Variants in CHODL observed in about 807,000 individuals in gnomAD.
CHODL encodes the protein chondrolectin.
In CHODL, 29 loss-of-function variants were observed where a neutral mutation model predicts 34.5. The ratio of observed to expected loss-of-function variants is 0.84; its 90% CI spans 0.63 to 1.15. The LOEUF is 1.15. CHODL is among the 50% of genes most tolerant of loss of function. The probability of loss-of-function intolerance (pLI) is 0.00; values close to 1 mark genes in which losing one functional copy is unlikely to be tolerated. For synonymous variants in CHODL, 125 were observed against 116.1 expected (o/e 1.08, Z -0.49); for missense variants, 332 against 332.5 (o/e 1.00, Z 0.01).
chr21:18,107,838 A>G (rs949236290), intron 2 of CHODL, among the ~76,000 whole-genome samples: 10 of 152,206 alleles, frequency 6.6e-5, no homozygotes, highest in African/African-American at 2.4e-4. Flanking sequence ...AAGTACAATG[A>G]CTATGTGTGT....
At chr21:18,016,481 T>TGGGCCA (rs1445323231) in intron 1 of CHODL, among the ~76,000 whole-genome samples, 2 of 152,198 alleles carry the variant, frequency 1.3e-5, no homozygotes, top group East Asian at 3.8e-4. Flanking sequence ...AATGGTTTCA[T>TGGGCCA]GGGCCAGGAC....
chr21:18,077,553 A>G (rs1171641531), intron 2 of CHODL, among the ~76,000 whole-genome samples: 3 of 152,142 alleles, frequency 2.0e-5, no homozygotes, highest in African/African-American at 7.2e-5. Flanking sequence ...AGGTGATTGT[A>G]TTAGGAGGTG....
intron 1 of CHODL, among the ~76,000 whole-genome samples, chr21:17,985,701 C>T (rs564061788): frequency 3.9e-4 from 60 of 152,284 alleles, no homozygotes; most frequent in Admixed American, 1.4e-3. Context: ...TCCACCATTA[C>T]GGGTCAATTT....
At chr21:18,132,123 C>T (rs1162953066) in intron 2 of CHODL, among the ~76,000 whole-genome samples, 1 of 151,866 alleles carries the variant, frequency 6.6e-6, no homozygotes, top group Non-Finnish European at 1.5e-5. Context: ...GGTATATGTG[C>T]ACAATATGCA....
intron 2 of CHODL, among the ~76,000 whole-genome samples, chr21:18,150,485 G>C (rs918644912): frequency 6.6e-6 from 1 of 152,112 alleles, no homozygotes; most frequent in African/African-American, 2.4e-5. Context: ...GGTATCCCAA[G>C]ATCACAATGC....
At chr21:17,991,949 A>G (rs1243414412) in intron 1 of CHODL, among the ~76,000 whole-genome samples, 1 of 152,134 alleles carries the variant, frequency 6.6e-6, no homozygotes, top group Non-Finnish European at 1.5e-5. Context: ...GTAGTTTTAT[A>G]GTTTCAGATC....
intron 2 of CHODL, among the ~76,000 whole-genome samples, chr21:18,172,200 C>T (rs1032672456): frequency 6.6e-6 from 1 of 151,702 alleles, no homozygotes; most frequent in African/African-American, 2.4e-5. Context: ...AGTTATTATC[C>T]CTGCTTTAAG....
chr21:18,265,891 C>A, intron 5 of CHODL, 63 bp from the exon 6 acceptor site: 6 of 1,313,430 alleles, frequency 4.6e-6, no homozygotes, highest in Non-Finnish European at 6.4e-6. Flanking sequence ...TCCCTTTGGA[C>A]GTAGACATGC....
upstream of CHODL, among the ~76,000 whole-genome samples, chr21:18,240,620 C>T (rs909976453): frequency 3.9e-5 from 6 of 152,016 alleles, no homozygotes; most frequent in Non-Finnish European, 5.9e-5. Flanking sequence ...GTTGTATTAA[C>T]ATATATTAAG....
At chr21:18,167,295 T>G (rs2073169330) in intron 2 of CHODL, among the ~76,000 whole-genome samples, 1 of 149,376 alleles carries the variant, frequency 6.7e-6, no homozygotes, top group African/African-American at 2.5e-5. Context: ...TTTACTGAAG[T>G]GTTTTCTATT....
chr21:17,973,324 C>T (rs951642089), intron 1 of CHODL, among the ~76,000 whole-genome samples: 23 of 151,718 alleles, frequency 1.5e-4, no homozygotes, highest in African/African-American at 5.3e-4. Context: ...TCCTGCACAG[C>T]AAAAGAAACT....
chr21:17,931,303 C>T (rs1424464727), intron 1 of CHODL, among the ~76,000 whole-genome samples: 1 of 152,078 alleles, frequency 6.6e-6, no homozygotes, highest in East Asian at 1.9e-4. Flanking sequence ...CTGCAAAGCC[C>T]GATACAAAAC....
At position 17,954,907 on chromosome 21, in the gene CHODL, T is replaced by TGTA. The variant is rs2063485410; in HGVS notation, c.-145+37507_-145+37508insGTA. ...AAATTAAATCATATATTTTATATAA[T>TGTA]ATCTATAATTTTATGTAATGTATAA... On this transcript the variant is annotated intron_variant, in intron 1 of 6. Coordinates refer to the CHODL transcript ENST00000400127. Among the ~76,000 whole-genome samples the TGTA allele has an allele frequency of 4.7e-5, 6 of 127,800 alleles. 1 individual carries two copies. In the South Asian group the frequency reaches 1.8e-3, roughly 38 times the overall value. 83.8% of individuals were successfully genotyped at this position (127,800 alleles called of 152,430 possible).
At chr21:18,049,956 A>AT (rs1568861073) in intron 2 of CHODL, among the ~76,000 whole-genome samples, 1 of 152,040 alleles carries the variant, frequency 6.6e-6, no homozygotes, top group Non-Finnish European at 1.5e-5. Flanking sequence ...AGCTAAGCAC[A>AT]GGTGATACCA....
chr21:18,210,693 C>G (rs922316314), intron 2 of CHODL, among the ~76,000 whole-genome samples: 1 of 152,184 alleles, frequency 6.6e-6, no homozygotes, highest in Non-Finnish European at 1.5e-5. Context: ...TCCATAGCTA[C>G]TACCTTGGTT....
At chr21:18,109,206 C>A (rs1010021827) in intron 2 of CHODL, among the ~76,000 whole-genome samples, 1 of 152,094 alleles carries the variant, frequency 6.6e-6, no homozygotes, top group African/African-American at 2.4e-5. Context: ...AAAATCATCT[C>A]AATCTCCTTA....
intron 4 of CHODL, 144 bp from the exon 5 acceptor site, chr21:18,262,647 A>G: frequency 3.4e-6 from 2 of 593,196 alleles, no homozygotes; most frequent in Non-Finnish European, 6.0e-6. Flanking sequence ...ATTTCATTAG[A>G]TTTTTCAATA....
chr21:18,072,845 T>A (rs946890793), intron 2 of CHODL, among the ~76,000 whole-genome samples: 1 of 152,178 alleles, frequency 6.6e-6, no homozygotes, highest in Non-Finnish European at 1.5e-5. Flanking sequence ...AAAAAAGTTT[T>A]CTTTTTTCTA....
At position 18,035,364 on chromosome 21, in the gene CHODL, G is replaced by A. The variant is rs537095920; in HGVS notation, c.-45+7393G>A. Among the ~76,000 whole-genome samples the A allele has an allele frequency of 5.9e-5, 9 of 152,000 alleles. No homozygotes were observed. In the South Asian group the frequency reaches 1.9e-3, roughly 32 times the overall value. On this transcript the variant is annotated intron_variant, in intron 2 of 6. Coordinates refer to the CHODL transcript ENST00000400127. ...TTACCTTTGTTTCCCTGCACATAGT[G>A]TTTTTTTCTCTGCTTTTAAGACTTC...
Sources: allele counts gnomAD v4.1 joint callset (sites outside exome capture counted in the v4.1 genomes callset), GRCh38; gene constraint gnomAD v4.1.1; transcripts MANE v1.5; gene names NCBI Gene and HGNC (gene_info 2026-07-23, HGNC 2026-07-21).